PEPD: variants seen among roughly 807,000 people sequenced by gnomAD.
PEPD encodes peptidase D.
A neutral mutation model predicts 60.7 loss-of-function variants in PEPD; 53 were observed. The ratio of observed to expected loss-of-function variants is 0.87; its 90% CI spans 0.70 to 1.10. The LOEUF (loss-of-function observed/expected upper bound fraction) is 1.10. Among genes scored for constraint, PEPD ranks in the 50% least tolerant of loss-of-function variants. The pLI is 0.00. For missense variants in PEPD, 711 were observed against 711.9 expected (o/e 1.00, Z 0.01); for synonymous variants, 267 against 284.1 (o/e 0.94, Z 0.60).
chr19:33,421,532 T>A (rs1054770319), intron 9 of PEPD, among the ~76,000 whole-genome samples: 9 of 152,182 alleles, frequency 5.9e-5, no homozygotes, highest in Non-Finnish European at 8.8e-5. Context: ...ACTCTGTTGC[T>A]CAGGCTGGAG....
chr19:33,468,553 C>T (rs1970062141), intron 7 of PEPD, among the ~76,000 whole-genome samples: 1 of 152,238 alleles, frequency 6.6e-6, no homozygotes, highest in African/African-American at 2.4e-5. Context: ...GTGGCTCCCC[C>T]ACTCCCATCA....
At chr19:33,451,178 A>C (rs984207061) in intron 9 of PEPD, among the ~76,000 whole-genome samples, 13 of 152,056 alleles carry the variant, frequency 8.5e-5, no homozygotes, top group African/African-American at 3.1e-4. Context: ...GTTTCTTCCT[A>C]CCCTACTACT....
chr19:33,490,236 C>T (rs942082562), intron 5 of PEPD, among the ~76,000 whole-genome samples, 179 bp from the exon 6 acceptor site: 2 of 152,232 alleles, frequency 1.3e-5, no homozygotes, highest in Non-Finnish European at 2.9e-5. Flanking sequence ...AAGGACAGAC[C>T]TCTTTGCTAC....
intron 6 of PEPD, among the ~76,000 whole-genome samples, chr19:33,482,954 C>A (rs560487635): frequency 6.6e-6 from 1 of 152,286 alleles, no homozygotes; most frequent in South Asian, 2.1e-4. Context: ...CCCATAACTG[C>A]AGAATACATG....
intron 6 of PEPD, among the ~76,000 whole-genome samples, chr19:33,480,076 TCTGTTA>T: frequency 6.6e-6 from 1 of 152,340 alleles, no homozygotes. Flanking sequence ...CTTGCCAGCA[TCTGTTA>T]CTTTTTGACT....
chr19:33,388,163 G>A, intron 13 of PEPD, 82 bp from the exon 14 acceptor site: 1 of 1,168,742 alleles, frequency 8.6e-7, no homozygotes, highest in Non-Finnish European at 1.2e-6. Flanking sequence ...GCATGTGAGG[G>A]CCGGTGCCAG....
chr19:33,492,240 TCG>T (rs900888727), intron 5 of PEPD, among the ~76,000 whole-genome samples: 42 of 151,858 alleles, frequency 2.8e-4, no homozygotes, highest in African/African-American at 1.0e-3. Flanking sequence ...AGAGCCCACC[TCG>T]CACCCCCCAC....
intron 9 of PEPD, among the ~76,000 whole-genome samples, chr19:33,416,535 C>T (rs1012945108): frequency 1.3e-5 from 2 of 152,190 alleles, no homozygotes; most frequent in African/African-American, 2.4e-5. Context: ...CTCCCTCCTG[C>T]TCACCTGGAA....
intron 10 of PEPD, 131 bp downstream of exon 10, chr19:33,413,444 G>A: frequency 1.5e-6 from 1 of 660,364 alleles, no homozygotes; most frequent in Non-Finnish European, 2.8e-6. Flanking sequence ...TCCAAGCTTG[G>A]GCCGGGCGCT....
chr19:33,430,759 C>A (rs1372920104), intron 9 of PEPD, among the ~76,000 whole-genome samples: 1 of 152,152 alleles, frequency 6.6e-6, no homozygotes, highest in South Asian at 2.1e-4. Context: ...CCCCAGGGGG[C>A]TTCTTGTCCT....
rs797045185 is a variant in PEPD, at chr19:33,391,344, A to G, written c.1103T>C (p.Leu368Pro). ...HLGAVFMPHG[L>P]GHFLGIDVHD... Reference sequence around the variant, plus strand: ...CACGTCAATGCCCAGGAAGTGGCCAAGCCCGTGAGGCATAAACACGGCCCC... The same window carrying G: ...CACGTCAATGCCCAGGAAGTGGCCAGGCCCGTGAGGCATAAACACGGCCCC... The change falls in exon 13 of 15, where the codon CTT (leucine) becomes CCT (proline). Residue 368 changes from leucine to proline, a missense_variant. Transcript: ENST00000244137. 6.2e-7 allele frequency: 1 copy of G among 1,611,622 alleles called. No homozygotes were observed.
intron 9 of PEPD, among the ~76,000 whole-genome samples, chr19:33,418,284 C>T (rs1015005734): frequency 6.6e-6 from 1 of 152,324 alleles, no homozygotes; most frequent in South Asian, 2.1e-4. Context: ...TAACGTGATA[C>T]ACCACTTACT....
chr19:33,393,675 G>A (rs963271594), intron 12 of PEPD, among the ~76,000 whole-genome samples: 7 of 152,222 alleles, frequency 4.6e-5, no homozygotes, highest in African/African-American at 1.7e-4. Context: ...CATCGCGCAT[G>A]ACCAGCCAGC....
Position 33,387,499 on chromosome 19 carries a change from A to G in PEPD, c.1345-18T>C, listed in dbSNP as rs1600069675. 6.2e-7 allele frequency: 1 copy of G among 1,612,938 alleles called. No homozygotes were observed. The highest frequency in any genetic ancestry group is 8.5e-7 in the Non-Finnish European group (1 of 1,180,012). On this transcript the variant is annotated intron_variant, in intron 14 of 14. Transcript: ENST00000244137. ...ATGCGGACCTGGGTCAAGCCGACAG[A>G]CACACATTATCATAGAGCAGCCTCA...
At chr19:33,421,566 C>G (rs1281827677) in intron 9 of PEPD, among the ~76,000 whole-genome samples, 3 of 152,224 alleles carry the variant, frequency 2.0e-5, no homozygotes, top group African/African-American at 4.8e-5. Context: ...TCACAGCTCA[C>G]TGCAGGCTCA....
At chr19:33,468,286 T>C (rs1469507715) in intron 7 of PEPD, among the ~76,000 whole-genome samples, 1 of 152,178 alleles carries the variant, frequency 6.6e-6, no homozygotes, top group African/African-American at 2.4e-5. Context: ...CACAAAGGTA[T>C]CAATGCAAAC....
chr19:33,459,317 G>A (rs759225448), intron 9 of PEPD, among the ~76,000 whole-genome samples: 1 of 152,150 alleles, frequency 6.6e-6, no homozygotes, highest in Admixed American at 6.5e-5. Context: ...AAGGTCTCAG[G>A]CTGTCATACA....
At chr19:33,509,222 C>T (rs966699568) in intron 3 of PEPD, among the ~76,000 whole-genome samples, 5 of 152,240 alleles carry the variant, frequency 3.3e-5, no homozygotes, top group African/African-American at 9.6e-5. Flanking sequence ...CCAGGGCCTC[C>T]GAGGGGCAGC....
rs962962771 is a variant in PEPD, at chr19:33,458,417, C to T, written c.671+4578G>A. On this transcript the variant is annotated intron_variant, in intron 9 of 14. Transcript: ENST00000244137. The stretch of plus-strand genomic sequence containing the variant: ...TGTATGGTGTGTGTGGTGTGTATGG[C>T]GTGTCATATGTATGCAGTATGTGGT... Among the ~76,000 whole-genome samples the T allele has an allele frequency of 2.1e-4, 31 of 145,124 alleles. 1 individual carries two copies. Among genetic ancestry groups the T allele is most frequent in the African/African-American group, 5.9e-4 (23 of 38,864 alleles).
Sources: gnomAD v4.1 joint callset for allele counts (sites outside exome capture counted in the v4.1 genomes callset) on GRCh38, gnomAD v4.1.1 for gene constraint, MANE v1.5 for transcripts, NCBI Gene and HGNC (gene_info 2026-07-23, HGNC 2026-07-21) for gene names.